Variants in PSORS1C1 observed in about 807,000 individuals in gnomAD.
PSORS1C1 encodes psoriasis susceptibility 1 candidate 1.
A neutral mutation model predicts 9.4 loss-of-function variants in PSORS1C1; 7 were observed. The ratio of observed to expected loss-of-function variants is 0.75; its 90% CI spans 0.42 to 1.40. The LOEUF is 1.40. Ranked by LOEUF, PSORS1C1 falls within the 40% of genes most tolerant of loss-of-function variation. PSORS1C1 has a pLI of 0.01. For synonymous variants in PSORS1C1, 63 were observed against 69.4 expected (o/e 0.91, Z 0.46); for missense variants, 146 against 178.1 (o/e 0.82, Z 1.02).
intron 1 of PSORS1C1, chr6:31,120,411 C>A: frequency 6.3e-7 from 1 of 1,586,850 alleles, no homozygotes. Flanking sequence ...GTGCCCGAGA[C>A]GAGCCCATCT....
chr6:31,138,491 A>C (rs3130573), intron 4 of PSORS1C1, 32 bp downstream of exon 4: 8 of 1,611,460 alleles, frequency 5.0e-6, no homozygotes, highest in African/African-American at 1.3e-5. Flanking sequence ...TGATGGTAAA[A>C]TGTCATGAAC....
At chr6:31,118,861 T>TTTTTTTTG (rs1772311167) in intron 1 of PSORS1C1, 1 of 148,768 alleles carries the variant, frequency 6.7e-6, no homozygotes, top group Non-Finnish European at 1.5e-5. Flanking sequence ...TTTTTTTTTT[T>TTTTTTTTG]GTGAGATGGA....
chr6:31,116,206 C>A, intron 1 of PSORS1C1: 2 of 1,613,682 alleles, frequency 1.2e-6, no homozygotes, highest in Non-Finnish European at 8.5e-7. Context: ...GCCATCGGGG[C>A]CCCCAGTCAG....
At chr6:31,131,893 G>A (rs1165148112) in intron 3 of PSORS1C1, among the ~76,000 whole-genome samples, 2 of 152,234 alleles carry the variant, frequency 1.3e-5, no homozygotes, top group African/African-American at 4.8e-5. Context: ...TTGCATCCTA[G>A]GTTGGATTCC....
intron 2 of PSORS1C1, among the ~76,000 whole-genome samples, chr6:31,127,346 C>T (rs1772724195): frequency 6.6e-6 from 1 of 152,078 alleles, no homozygotes; most frequent in Admixed American, 6.6e-5. Context: ...TCCCTGGCAC[C>T]TGAGGCATCA....
intron 2 of PSORS1C1, among the ~76,000 whole-genome samples, chr6:31,127,529 T>G (rs546008355): frequency 6.7e-6 from 1 of 149,622 alleles, no homozygotes; most frequent in East Asian, 2.0e-4. Flanking sequence ...GCAGGACTGA[T>G]CTCCATTCTC....
At chr6:31,117,741 C>A (rs1296143816) in intron 1 of PSORS1C1, 4 of 591,062 alleles carry the variant, frequency 6.8e-6, no homozygotes, top group Admixed American at 3.0e-5. Flanking sequence ...GAAGGGTGGG[C>A]AAACACCAAC....
intron 3 of PSORS1C1, among the ~76,000 whole-genome samples, chr6:31,132,459 T>C (rs1260760247): frequency 7.9e-6 from 1 of 126,082 alleles, no homozygotes; most frequent in Non-Finnish European, 1.8e-5. Context: ...GAGGCGGAGA[T>C]TGCAGTGGGC....
chr6:31,134,056 G>A (rs957987783), intron 3 of PSORS1C1, among the ~76,000 whole-genome samples: 2 of 151,924 alleles, frequency 1.3e-5, no homozygotes, highest in African/African-American at 2.4e-5. Context: ...TTGGCTCACC[G>A]CAACCTCTGC....
Position 31,138,411 on chromosome 6 carries a change from T to C in PSORS1C1, c.14-19T>C, listed in dbSNP as rs1230201429. ...GGAGCCTGTCTGGATGGACGCAGCC[T>C]GAACTGACCCACAAACAGACCAAAA... On this transcript the variant is annotated intron_variant, in intron 3 of 5. Transcript: ENST00000259881. The C allele has an allele frequency of 6.3e-7, 1 of 1,588,700 alleles. No individual in the cohort carries two copies. The highest frequency in any genetic ancestry group is 1.1e-5 in the South Asian group (1 of 90,258).
intron 2 of PSORS1C1, among the ~76,000 whole-genome samples, chr6:31,127,868 G>A (rs1281213034): frequency 6.6e-6 from 1 of 151,994 alleles, no homozygotes; most frequent in Admixed American, 6.6e-5. Context: ...TCCTCGCTCT[G>A]CCTAAGCTGC....
At chr6:31,134,169 C>T (rs1454582955) in intron 3 of PSORS1C1, among the ~76,000 whole-genome samples, 1 of 149,798 alleles carries the variant, frequency 6.7e-6, no homozygotes, top group Non-Finnish European at 1.5e-5. Context: ...TTAGTAGAGA[C>T]AGGGATTCAC....
At chr6:31,127,802 G>A (rs1351367081) in intron 2 of PSORS1C1, among the ~76,000 whole-genome samples, 3 of 151,356 alleles carry the variant, frequency 2.0e-5, no homozygotes, top group South Asian at 4.2e-4. Flanking sequence ...CGACAAGAGC[G>A]AAACTCTGTC....
Position 31,139,909 on chromosome 6 carries a change from T to A in PSORS1C1, c.436T>A (p.Phe146Ile), listed in dbSNP as rs992398829. The A allele has an allele frequency of 3.3e-5, 54 of 1,612,398 alleles. No homozygotes were observed. Among genetic ancestry groups the A allele is most frequent in the Non-Finnish European group, 3.9e-5 (46 of 1,179,692 alleles). ...CTCGTCTCCTCCCTCCCATTCTCCTTTTGGTCTCAGCTCCTTGATCTAAGC... is the reference window on the plus strand; with the variant it reads ...CTCGTCTCCTCCCTCCCATTCTCCTATTGGTCTCAGCTCCTTGATCTAAGC... The part of the protein sequence containing the change: ...LYSSPPSHSP[F>I]GLSSLI Residue 146 changes from phenylalanine to isoleucine, a missense_variant, in exon 6 of 6, where the codon TTT becomes ATT. Phe to Ile is a conservative substitution (Grantham distance 21). Coordinates refer to ENST00000259881, the MANE Select transcript of PSORS1C1 (RefSeq NM_014068.3). This position sits in a 1 kb window ranked among gnomAD's most constrained non-coding sequence, Gnocchi z 5.2.
intron 2 of PSORS1C1, among the ~76,000 whole-genome samples, chr6:31,126,071 G>T (rs1229280804): frequency 6.6e-6 from 1 of 152,088 alleles, no homozygotes; most frequent in Non-Finnish European, 1.5e-5. Flanking sequence ...GGCCTTGGCG[G>T]AGGTGGCAGT....
At chr6:31,127,479 G>C (rs1772729065) in intron 2 of PSORS1C1, among the ~76,000 whole-genome samples, 1 of 152,062 alleles carries the variant, frequency 6.6e-6, no homozygotes, top group Non-Finnish European at 1.5e-5. Context: ...CGACTCCTTG[G>C]CAGTGTGTAA....
chr6:31,139,714 G>T lies in PSORS1C1; in HGVS notation c.241G>T (p.Gly81Ter). The change falls in exon 6 of 6, where the codon GGA becomes TGA. Residue 81 changes from glycine to a stop codon, truncating the protein, a stop_gained. Transcript: ENST00000259881. LOFTEE classifies it low-confidence loss of function (END_TRUNC). The surrounding 1 kb of genome is among the most constrained non-coding windows in gnomAD (Gnocchi z 5.2). ...LAATQDDCRK[G>*]RTQEDILVPS... ...AGCCACCCAGGATGACTGCAGAAAA[G>T]GAAGGACACAGGAGGATATCCTGGT... The T allele has an allele frequency of 6.2e-7, 1 of 1,613,080 alleles. No individual in the cohort carries two copies. The highest frequency in any genetic ancestry group is 1.3e-5 in the African/African-American group (1 of 75,040).
chr6:31,117,033 T>G, intron 1 of PSORS1C1: 1 of 1,614,216 alleles, frequency 6.2e-7, no homozygotes, highest in Non-Finnish European at 8.5e-7. Context: ...AGGAAGAGCT[T>G]TGTCCAGGCT....
intron 2 of PSORS1C1, among the ~76,000 whole-genome samples, chr6:31,126,113 T>G (rs1772669403): frequency 6.6e-6 from 1 of 152,168 alleles, no homozygotes; most frequent in Non-Finnish European, 1.5e-5. Flanking sequence ...ACACAGCCAC[T>G]CATGCAACAC....
Sources: allele counts gnomAD v4.1 joint callset (sites outside exome capture counted in the v4.1 genomes callset), GRCh38; gene constraint gnomAD v4.1.1; non-coding constraint Gnocchi (gnomAD v3.1); transcripts MANE v1.5; gene names NCBI Gene and HGNC (gene_info 2026-07-23, HGNC 2026-07-21).